DAB2: variants seen among roughly 807,000 people sequenced by gnomAD.
DAB2 encodes disabled homolog 2.
DAB2 carries 28 observed loss-of-function variants against 71.6 expected under a neutral mutation model. That is an observed-to-expected ratio of 0.39 (90% CI 0.29 to 0.54). DAB2 has a LOEUF of 0.54. Among genes scored for constraint, DAB2 ranks in the 20% least tolerant of loss-of-function variants. The pLI is 0.68. For missense variants in DAB2, 867 were observed against 928.8 expected (o/e 0.93, Z 0.86); for synonymous variants, 345 against 339.7 (o/e 1.02, Z -0.17).
At chr5:39,398,209 G>T (rs572483061) in intron 1 of DAB2, among the ~76,000 whole-genome samples, 6 of 152,046 alleles carry the variant, frequency 3.9e-5, no homozygotes, top group Admixed American at 1.3e-4. Flanking sequence ...AAAGCACTTT[G>T]AGGGGTTTTG....
intron 10 of DAB2, among the ~76,000 whole-genome samples, chr5:39,382,058 T>C (rs956434720): frequency 1.3e-5 from 2 of 152,106 alleles, no homozygotes; most frequent in African/African-American, 4.8e-5. Flanking sequence ...TTAGGAGAGG[T>C]AAAAAAAGAC....
At chr5:39,374,073 A>G (rs1754760903) in intron 14 of DAB2, among the ~76,000 whole-genome samples, 1 of 152,168 alleles carries the variant, frequency 6.6e-6, no homozygotes, top group Non-Finnish European at 1.5e-5. Flanking sequence ...AGATGCCTAT[A>G]AGCTCAATCT....
At position 39,375,918 on chromosome 5, in the gene DAB2, A is replaced by G. The variant is rs1004752273; in HGVS notation, c.2247+79T>C. The G allele has an allele frequency of 1.8e-4, 186 of 1,043,504 alleles. 1 individual carries two copies. The highest frequency in any genetic ancestry group is 3.0e-5 in the Non-Finnish European group (21 of 691,132). The allele number at this position is 1,043,504 out of a possible 1,614,324, so 64.6% of individuals were successfully genotyped here. Reference sequence around the variant, plus strand: ...TAAATAAATAAATAAAAGCTATTATAAAAGCAAGGTTAATTCAGGAGGCTG... The same window carrying G: ...TAAATAAATAAATAAAAGCTATTATGAAAGCAAGGTTAATTCAGGAGGCTG... On this transcript the variant is annotated intron_variant, in intron 13 of 14. Transcript: ENST00000320816.
intron 1 of DAB2, among the ~76,000 whole-genome samples, chr5:39,403,152 G>T (rs1006412943): frequency 1.3e-5 from 2 of 152,136 alleles, no homozygotes; most frequent in Admixed American, 1.3e-4. Context: ...ATACCAAGTG[G>T]GTTAGACTTG....
At chr5:39,393,643 G>A (rs1026570364) in intron 2 of DAB2, among the ~76,000 whole-genome samples, 3 of 152,176 alleles carry the variant, frequency 2.0e-5, no homozygotes, top group East Asian at 3.9e-4. Context: ...TATGGGAAAC[G>A]TATGGGAATA....
At chr5:39,376,567 G>T in intron 12 of DAB2, 83 bp downstream of exon 12, 1 of 1,495,776 alleles carries the variant, frequency 6.7e-7, no homozygotes. Context: ...GGGTGGGAGA[G>T]GGTTCATTTG....
chr5:39,382,786 G>C lies in DAB2; in HGVS notation c.1173C>G (p.Val391=). 1 of 1,614,164 alleles carries C rather than the reference G, an allele frequency of 6.2e-7. No individual in the cohort carries two copies. Among genetic ancestry groups the C allele is most frequent in the Non-Finnish European group, 8.5e-7 (1 of 1,180,030 alleles). ...VSEREQNGFS[V]KSSPNPFVGS... Reference sequence around the variant, plus strand: ...CCACAAAAGGGTTCGGGGAGGATTTGACAGAGAAGCCGTTCTGTTCTCTTT... The same window carrying C: ...CCACAAAAGGGTTCGGGGAGGATTTCACAGAGAAGCCGTTCTGTTCTCTTT... The change falls in exon 10 of 15, where the codon GTC becomes GTG. Residue 391 remains valine (V), a synonymous_variant. Transcript: ENST00000320816.
intron 1 of DAB2, among the ~76,000 whole-genome samples, chr5:39,398,917 A>G (rs2112074793): frequency 6.6e-6 from 1 of 152,350 alleles, no homozygotes; most frequent in South Asian, 2.1e-4. Context: ...TCAATATTCA[A>G]ATGTAATGCA....
chr5:39,392,139 T>C, intron 4 of DAB2: 1 of 440,884 alleles, frequency 2.3e-6, no homozygotes, highest in Non-Finnish European at 4.1e-6. Flanking sequence ...ATTAACAGAC[T>C]TAACAGACTT....
At position 39,394,395 on chromosome 5, in the gene DAB2, C is replaced by G; in HGVS notation, c.-75G>C. 1 of 1,107,654 alleles carries G rather than the reference C, an allele frequency of 9.0e-7. No homozygotes were observed. The highest frequency in any genetic ancestry group is 1.4e-6 in the Non-Finnish European group (1 of 720,158). The allele number at this position is 1,107,654 out of a possible 1,614,324, so 68.6% of individuals were successfully genotyped here. On this transcript the variant is annotated 5_prime_UTR_variant, in exon 2 of 15. An upstream open reading frame in the 5' UTR loses its in-frame stop. Coordinates refer to ENST00000320816, the MANE Select transcript of DAB2 (RefSeq NM_001343.4). ...CCAGGCGATCCCGATGGAGAAGTCT[C>G]AAATAAACATAACCTCCCACAGACA...
chr5:39,418,367 G>A (rs1471827258), intron 1 of DAB2: 2 of 152,148 alleles, frequency 1.3e-5, no homozygotes, highest in Non-Finnish European at 2.9e-5. Flanking sequence ...CAAAAAGCAC[G>A]TTAGCATCTG....
intron 1 of DAB2, among the ~76,000 whole-genome samples, chr5:39,411,431 A>T (rs1272673564): frequency 6.6e-6 from 1 of 152,118 alleles, no homozygotes; most frequent in African/African-American, 2.4e-5. Context: ...TTCAATACTT[A>T]AGGGAAATGT....
At chr5:39,382,315 G>T (rs1754998709) in intron 10 of DAB2, among the ~76,000 whole-genome samples, 1 of 152,152 alleles carries the variant, frequency 6.6e-6, no homozygotes, top group Admixed American at 6.5e-5. Flanking sequence ...AGAACACGAT[G>T]ATCAAACTTA....
intron 1 of DAB2, among the ~76,000 whole-genome samples, chr5:39,420,435 C>T (rs1755953091): frequency 6.6e-6 from 1 of 151,754 alleles, no homozygotes; most frequent in Non-Finnish European, 1.5e-5. Flanking sequence ...TACCTGCTCC[C>T]TTTACTCTAT....
chr5:39,400,911 G>A (rs983993353), intron 1 of DAB2, among the ~76,000 whole-genome samples: 3 of 152,142 alleles, frequency 2.0e-5, no homozygotes, highest in Non-Finnish European at 2.9e-5. Flanking sequence ...GCTAAAGTGC[G>A]GAATTAGGAC....
intron 3 of DAB2, 34 bp from the exon 4 acceptor site, chr5:39,392,497 T>C: frequency 6.8e-7 from 1 of 1,477,812 alleles, no homozygotes; most frequent in Non-Finnish European, 9.5e-7. Context: ...GAAGTTGAAT[T>C]TTTAAAAACA....
rs369848746 is a variant in DAB2 at position 39,409,983 on chromosome 5, T to C, written c.-102+14821A>G. 2.0e-5 allele frequency among the ~76,000 whole-genome samples: 3 copies of C among 152,318 alleles called. No individual in the cohort carries two copies. The South Asian group carries it at 6.2e-4, about 32-fold the overall frequency. On this transcript the variant is annotated intron_variant, in intron 1 of 14. Transcript: ENST00000320816. ...AGAACACAAGGACAGATCTCAAGTT[T>C]CACCTTAATCTGTACAGATTTCAGA...
chr5:39,420,276 T>C (rs1755949485), intron 1 of DAB2, among the ~76,000 whole-genome samples: 1 of 152,210 alleles, frequency 6.6e-6, no homozygotes, highest in African/African-American at 2.4e-5. Context: ...CAAAGTCTTT[T>C]TGGGACTAAC....
chr5:39,423,113 A>C (rs1428969600), intron 1 of DAB2, among the ~76,000 whole-genome samples: 2 of 152,196 alleles, frequency 1.3e-5, no homozygotes, highest in Admixed American at 1.3e-4. Flanking sequence ...TAGCTGAAAA[A>C]TGACTGGTTT....
Sources: allele counts gnomAD v4.1 joint callset (sites outside exome capture counted in the v4.1 genomes callset), GRCh38; gene constraint gnomAD v4.1.1; transcripts MANE v1.5; gene names NCBI Gene and HGNC (gene_info 2026-07-23, HGNC 2026-07-21).